WDFY4: variants seen among roughly 807,000 people sequenced by gnomAD.
WDFY4 encodes the protein WDFY family member 4, also known as WD repeat- and FYVE domain-containing protein 4.
WDFY4 carries 169 observed loss-of-function variants against 351.9 expected under a neutral mutation model. The observed-to-expected ratio is 0.48, with a 90% CI of 0.42 to 0.55. The LOEUF (loss-of-function observed/expected upper bound fraction) is 0.55, where lower values mean the gene tolerates loss of function less well. Among genes scored for constraint, WDFY4 ranks in the 20% least tolerant of loss-of-function variants. The pLI is 0.00. For synonymous variants in WDFY4, 1,622 were observed against 1,574.6 expected, an observed-to-expected ratio of 1.03 and a Z score of -0.71; for missense variants, 3,803 against 3,935.6, an observed-to-expected ratio of 0.97 and a Z score of 0.90.
chr10:48,759,374 CT>C (rs2132512775), intron 12 of WDFY4, among the ~76,000 whole-genome samples: 1 of 152,246 alleles, frequency 6.6e-6, no homozygotes, highest in South Asian at 2.1e-4. Context: ...AGAATTGGCG[CT>C]TTTGTTTCTC....
intron 44 of WDFY4, among the ~76,000 whole-genome samples, chr10:48,894,224 C>T (rs769978439): frequency 1.3e-5 from 2 of 152,212 alleles, no homozygotes; most frequent in Non-Finnish European, 2.9e-5. Context: ...CTCCTAAAAG[C>T]TCGTTACCAT....
At chr10:48,842,403 G>A (rs1194495302) in intron 39 of WDFY4, among the ~76,000 whole-genome samples, 1 of 152,088 alleles carries the variant, frequency 6.6e-6, no homozygotes, top group Non-Finnish European at 1.5e-5. Flanking sequence ...GCCTGTGCCA[G>A]AGACAGCAGT....
chr10:48,720,254 C>T lies in WDFY4; in HGVS notation c.349+129C>T, dbSNP rs2064036919. The T allele has an allele frequency of 4.3e-6, 4 of 920,482 alleles. No individual in the cohort carries two copies. In the South Asian group the frequency reaches 5.1e-5, roughly 12 times the overall value. 57.0% of individuals were successfully genotyped at this position (920,482 alleles called of 1,614,324 possible). A position where few individuals can be genotyped will look rare whatever the true frequency, so the allele number is the denominator to read the frequency against. ...GTGTTGCCTGCCAAAGAGAAGTAGG[C>T]CCCACTCTGCCACTGAGTGCCTTAG... On this transcript the variant is annotated intron_variant, in intron 3 of 61. Transcript: ENST00000325239.
chr10:48,904,980 C>T (rs572550573), intron 47 of WDFY4, among the ~76,000 whole-genome samples: 1 of 152,286 alleles, frequency 6.6e-6, no homozygotes, highest in South Asian at 2.1e-4. Flanking sequence ...TTCCAAGCCG[C>T]AGCACTCATG....
Position 48,890,695 on chromosome 10 carries a change from T to G in WDFY4, c.7284T>G (p.Gly2428=), listed in dbSNP as rs41283285. Residue 2428 remains glycine (G), a synonymous_variant, in exon 44 of 62, where the codon GGT becomes GGG. Coordinates refer to ENST00000325239, the MANE Select transcript of WDFY4 (RefSeq NM_001394531.1). ...AGAACTTCACACTGTCTCCCACGGG[T>G]GATGTCTACTGTACCCGTCACTGCT... ...ICENFTLSPT[G]DVYCTRHCLS... The G allele has an allele frequency of 1.3e-6, 2 of 1,551,660 alleles. No homozygotes were observed. The highest frequency in any genetic ancestry group is 1.7e-6 in the Non-Finnish European group (2 of 1,146,974).
At chr10:48,787,725 T>C (rs947621400) in intron 20 of WDFY4, among the ~76,000 whole-genome samples, 2 of 152,156 alleles carry the variant, frequency 1.3e-5, no homozygotes, top group African/African-American at 4.8e-5. Context: ...CTGGAGTGCA[T>C]CTATTTCATG....
chr10:48,897,470 A>AT lies in WDFY4; in HGVS notation c.7337dup (p.Asn2447GlnfsTer10). On this transcript the variant is annotated frameshift_variant, in exon 45 of 62. Transcript: ENST00000325239. LOFTEE classifies it high-confidence loss of function. ...CCTTTTCAGCATCAGCGATCCGTTC[A>AT]TTTTCAACCTGTGCAGCAAAGACAG... The AT allele has an allele frequency of 6.4e-7, 1 of 1,551,566 alleles. No homozygotes were observed. Among genetic ancestry groups the AT allele is most frequent in the East Asian group, 2.4e-5 (1 of 40,916 alleles).
rs542593496 is a variant in WDFY4, at chr10:48,756,904, CTG to C, written c.2460-3439_2460-3438del. Among the ~76,000 whole-genome samples, 7 of 152,030 alleles carry C rather than the reference CTG, an allele frequency of 4.6e-5. No homozygotes were observed. The East Asian group carries it at 1.3e-3, about 29-fold the overall frequency. The stretch of plus-strand genomic sequence containing the variant: ...TATACTGAAATGTAGTTTTTTTATA[CTG>C]TGTTTTTCTGTTTTCAATATCAGGG... On this transcript the variant is annotated intron_variant, in intron 12 of 61. Transcript: ENST00000325239.
intron 60 of WDFY4, among the ~76,000 whole-genome samples, chr10:48,979,415 T>C (rs1842710870): frequency 1.3e-5 from 2 of 152,258 alleles, no homozygotes; most frequent in African/African-American, 4.8e-5. Context: ...TATACCTGCA[T>C]GAGACTGCAC....
At position 48,953,327 on chromosome 10, in the gene WDFY4, T is replaced by A. The variant is rs1209477531; in HGVS notation, c.7978-3802T>A. ...GTCTCTCTCTCTCTCTCTCTCTCTC[T>A]CTCTCTCACACACACACACACACAC... On this transcript the variant is annotated intron_variant, in intron 51 of 61. Coordinates refer to ENST00000325239, the MANE Select transcript of WDFY4 (RefSeq NM_001394531.1). 2.0e-3 allele frequency among the ~76,000 whole-genome samples: 236 copies of A among 118,976 alleles called. 1 individual carries two copies. Among genetic ancestry groups the A allele is most frequent in the Non-Finnish European group, 3.4e-3 (189 of 55,288 alleles). The allele number at this position is 118,976 out of a possible 152,430, so 78.1% of individuals were successfully genotyped here.
At position 48,783,848 on chromosome 10, in the gene WDFY4, G is replaced by C. The variant is rs539566510; in HGVS notation, c.3577-2791G>C. Among the ~76,000 whole-genome samples the C allele has an allele frequency of 5.9e-5, 9 of 152,282 alleles. 1 individual carries two copies. The South Asian group carries it at 1.9e-3, about 32-fold the overall frequency. On this transcript the variant is annotated intron_variant, in intron 19 of 61. Transcript: ENST00000325239. ...AACTGTAACACAGTGGTGAATATTTGTGTATCTAAACACTCTAAACATGGA... is the reference window on the plus strand; with the variant it reads ...AACTGTAACACAGTGGTGAATATTTCTGTATCTAAACACTCTAAACATGGA...
In WDFY4 at chr10:48,776,793, T is replaced by G; in HGVS notation, c.2907T>G (p.Ala969=). The G allele has an allele frequency of 6.4e-7, 1 of 1,551,050 alleles. No homozygotes were observed. Among genetic ancestry groups the G allele is most frequent in the South Asian group, 1.2e-5 (1 of 84,028 alleles). Residue 969 remains alanine (A), a synonymous_variant, in exon 16 of 62, where the codon GCT becomes GCG. Coordinates refer to ENST00000325239, the MANE Select transcript of WDFY4 (RefSeq NM_001394531.1). The part of the protein sequence containing the change: ...AQGLAEGPWP[A]APDAGLHPGV... ...GCTTGGCTGAGGGGCCCTGGCCAGC[T>G]GCCCCAGATGCTGGGCTGCACCCTG...
At chr10:48,811,818 C>A in intron 30 of WDFY4, 110 bp downstream of exon 30, 1 of 1,179,238 alleles carries the variant, frequency 8.5e-7, no homozygotes, top group Non-Finnish European at 1.2e-6. Flanking sequence ...TCTTCCAGCT[C>A]AGATGGGGTG....
chr10:48,811,738 A>G (rs1285227664), intron 30 of WDFY4, 30 bp downstream of exon 30: 32 of 1,546,124 alleles, frequency 2.1e-5, no homozygotes, highest in Non-Finnish European at 2.6e-5. Context: ...ACAGGGTGAC[A>G]CACTTGGTTT....
intron 1 of WDFY4, among the ~76,000 whole-genome samples, chr10:48,698,292 C>A (rs1340962265): frequency 6.6e-6 from 1 of 152,188 alleles, no homozygotes; most frequent in Non-Finnish European, 1.5e-5. Context: ...CAATCTCCTG[C>A]ACATTTGAAG....
At chr10:48,716,694 G>T (rs1408395880) in intron 2 of WDFY4, among the ~76,000 whole-genome samples, 1 of 152,188 alleles carries the variant, frequency 6.6e-6, no homozygotes, top group Non-Finnish European at 1.5e-5. Flanking sequence ...AGCTCACAGT[G>T]GCCCAATTTG....
At chr10:48,686,363 C>CAT (rs1277758224) in intron 1 of WDFY4, among the ~76,000 whole-genome samples, 3 of 150,284 alleles carry the variant, frequency 2.0e-5, no homozygotes, top group Non-Finnish European at 4.4e-5. Context: ...TTAGAAAGAC[C>CAT]ATAATAAGAT....
At chr10:48,980,382 A>G (rs10735228) in intron 60 of WDFY4, among the ~76,000 whole-genome samples, 62,774 of 151,960 alleles carry the variant, frequency 0.41, 14,120 homozygotes, top group East Asian at 0.66. Flanking sequence ...TGGCGTGTAT[A>G]TTACTATACC....
intron 30 of WDFY4, 141 bp downstream of exon 30, chr10:48,811,849 G>A: frequency 2.4e-6 from 2 of 850,662 alleles, no homozygotes; most frequent in Non-Finnish European, 3.6e-6. Flanking sequence ...TCCCTCCCTA[G>A]CAGCCCACAC....
Sources: allele counts gnomAD v4.1 joint callset (sites outside exome capture counted in the v4.1 genomes callset), GRCh38; gene constraint gnomAD v4.1.1; transcripts MANE v1.5; gene names NCBI Gene and HGNC (gene_info 2026-07-23, HGNC 2026-07-21).